Variants in CFAP77 observed in about 807,000 individuals in gnomAD.
The protein encoded by CFAP77 is cilia- and flagella-associated protein 77.
A neutral mutation model predicts 31.1 loss-of-function variants in CFAP77; 25 were observed. The ratio of observed to expected loss-of-function variants is 0.80; its 90% CI spans 0.59 to 1.12. CFAP77 has a LOEUF of 1.12. Among genes scored for constraint, CFAP77 ranks in the 50% most tolerant of loss-of-function variants. The pLI is 0.00. For missense variants in CFAP77, 377 were observed against 397.3 expected (o/e 0.95, Z 0.44); for synonymous variants, 151 against 159.9 (o/e 0.94, Z 0.42).
At chr9:132,520,701 C>T (rs187117387) in intron 3 of CFAP77, among the ~76,000 whole-genome samples, 3 of 152,340 alleles carry the variant, frequency 2.0e-5, no homozygotes, top group Admixed American at 6.5e-5. Flanking sequence ...TCAGTCAGTG[C>T]CTTCCCCTGC....
intron 1 of CFAP77, among the ~76,000 whole-genome samples, chr9:132,458,341 GCGGGGGA>G (rs1316618376): frequency 7.3e-6 from 1 of 136,186 alleles, no homozygotes; most frequent in African/African-American, 2.9e-5. Flanking sequence ...TGTCTCCCTG[GCGGGGGA>G]GGGGGGGGGG....
chr9:132,569,852 T>C (rs953453679), intron 5 of CFAP77, among the ~76,000 whole-genome samples: 1 of 151,530 alleles, frequency 6.6e-6, no homozygotes, highest in Admixed American at 6.6e-5. Flanking sequence ...TCTCCTGCCT[T>C]AGCCCTCCCT....
intron 1 of CFAP77, among the ~76,000 whole-genome samples, chr9:132,414,465 G>A (rs1850062433): frequency 6.6e-6 from 1 of 151,538 alleles, no homozygotes; most frequent in Non-Finnish European, 1.5e-5. Context: ...AGCACCTGCT[G>A]TAAGGAAAGC....
rs59722731 is a variant in CFAP77, at chr9:132,481,959, TGG to T, written c.196-16723_196-16722del. Reference sequence around the variant, plus strand: ...TCAGGAAGGAACAAGGGTTTATGGTTGGGGGGGGGGGGGGCGGCGGAACACTG... The same window carrying T: ...TCAGGAAGGAACAAGGGTTTATGGTTGGGGGGGGGGGGCGGCGGAACACTG... On this transcript the variant is annotated intron_variant, in intron 1 of 5. Coordinates refer to ENST00000393216, the MANE Select transcript of CFAP77 (RefSeq NM_001282957.2). The surrounding 1 kb of genome is among the most constrained non-coding windows in gnomAD (Gnocchi z 5.0). Among the ~76,000 whole-genome samples the T allele has an allele frequency of 0.18, 20,698 of 115,540 alleles. 1,910 individuals are homozygous for T. The highest frequency in any genetic ancestry group is 0.25 in the Middle Eastern group (57 of 230). The allele number at this position is 115,540 out of a possible 152,430, so 75.8% of individuals were successfully genotyped here. A position where few individuals can be genotyped will look rare whatever the true frequency, so the allele number is the denominator to read the frequency against.
intron 3 of CFAP77, among the ~76,000 whole-genome samples, chr9:132,515,648 AT>A (rs1564236562): frequency 6.6e-6 from 1 of 151,930 alleles, no homozygotes; most frequent in Non-Finnish European, 1.5e-5. Flanking sequence ...GAAAGGAGGA[AT>A]TCCCTCTTCT....
intron 5 of CFAP77, among the ~76,000 whole-genome samples, chr9:132,569,026 A>G (rs76851051): frequency 0.025 from 3,756 of 152,236 alleles, 153 homozygotes; most frequent in African/African-American, 0.085. Flanking sequence ...GATTGTAGTG[A>G]TGGTTTCAGG....
intron 1 of CFAP77, among the ~76,000 whole-genome samples, chr9:132,464,389 G>A (rs1851116042): frequency 6.6e-6 from 1 of 152,036 alleles, no homozygotes; most frequent in Non-Finnish European, 1.5e-5. Context: ...AGGCAGAACT[G>A]TGCTGTCTTC....
intron 1 of CFAP77, among the ~76,000 whole-genome samples, chr9:132,432,446 G>A (rs576896569): frequency 1.3e-5 from 2 of 152,090 alleles, no homozygotes; most frequent in Non-Finnish European, 2.9e-5. Flanking sequence ...TTTGGACTTG[G>A]ACAGGTCTGC....
chr9:132,419,863 G>A (rs982758524), intron 1 of CFAP77, among the ~76,000 whole-genome samples: 1 of 152,118 alleles, frequency 6.6e-6, no homozygotes, highest in African/African-American at 2.4e-5. Context: ...AAACTCATAA[G>A]TTATTAAAAG....
chr9:132,465,602 T>G (rs2131730321), intron 1 of CFAP77, among the ~76,000 whole-genome samples: 1 of 152,292 alleles, frequency 6.6e-6, no homozygotes, highest in African/African-American at 2.4e-5. Flanking sequence ...CACCCTGGTG[T>G]TCACTTGGGG....
At chr9:132,450,829 C>T (rs936467199) in intron 1 of CFAP77, among the ~76,000 whole-genome samples, 1 of 152,118 alleles carries the variant, frequency 6.6e-6, no homozygotes, top group Non-Finnish European at 1.5e-5. Flanking sequence ...GCTCAGAGAC[C>T]CAGGAGGAGG....
intron 5 of CFAP77, among the ~76,000 whole-genome samples, chr9:132,547,397 G>A (rs751940987): frequency 1.3e-5 from 2 of 152,204 alleles, no homozygotes; most frequent in Admixed American, 1.3e-4. Context: ...TCAGCAGAAC[G>A]CCTGGCCCAT....
At chr9:132,510,129 C>T (rs1852008397) in intron 3 of CFAP77, among the ~76,000 whole-genome samples, 1 of 152,190 alleles carries the variant, frequency 6.6e-6, no homozygotes, top group South Asian at 2.1e-4. Flanking sequence ...GCCGCCACTC[C>T]CCCAGGGCCT....
chr9:132,526,602 GCTAGCAAGA>G (rs1852369604), intron 3 of CFAP77, among the ~76,000 whole-genome samples: 1 of 131,544 alleles, frequency 7.6e-6, no homozygotes, highest in African/African-American at 2.6e-5. Context: ...TTGATAGACA[GCTAGCAAGA>G]CTAATAAAGA....
chr9:132,497,515 G>T lies in CFAP77; in HGVS notation c.196-1180G>T, dbSNP rs117254313. Among the ~76,000 whole-genome samples the T allele has an allele frequency of 5.4e-4, 82 of 152,350 alleles. 1 individual carries two copies. The East Asian group carries it at 0.016, about 29-fold the overall frequency. Reference sequence around the variant, plus strand: ...GCTGCACCCACCCTTCTCAGTAATGGCCCCGGGGCCTGCTGGCACCAGGGA... The same window carrying T: ...GCTGCACCCACCCTTCTCAGTAATGTCCCCGGGGCCTGCTGGCACCAGGGA... On this transcript the variant is annotated intron_variant, in intron 1 of 5. Transcript: ENST00000393216. This position sits in a 1 kb window ranked among gnomAD's most constrained non-coding sequence, Gnocchi z 4.9.
At chr9:132,430,444 C>A (rs932046356) in intron 1 of CFAP77, among the ~76,000 whole-genome samples, 1 of 152,116 alleles carries the variant, frequency 6.6e-6, no homozygotes, top group Non-Finnish European at 1.5e-5. Context: ...CATTTATCCC[C>A]TACAAAAAGA....
At chr9:132,494,434 C>T (rs923080163) in intron 1 of CFAP77, among the ~76,000 whole-genome samples, 1 of 152,170 alleles carries the variant, frequency 6.6e-6, no homozygotes, top group Non-Finnish European at 1.5e-5. Context: ...GACTGAGGAC[C>T]ACTACTGTAG....
chr9:132,415,328 T>C (rs1316675694), intron 1 of CFAP77, among the ~76,000 whole-genome samples: 1 of 152,062 alleles, frequency 6.6e-6, no homozygotes, highest in African/African-American at 2.4e-5. Context: ...GGTGCCCAGG[T>C]ACATCCTTCA....
intron 1 of CFAP77, among the ~76,000 whole-genome samples, chr9:132,417,931 CTT>C (rs574866349): frequency 1.2e-3 from 186 of 152,372 alleles, no homozygotes; most frequent in African/African-American, 3.9e-3. Context: ...CACCTCATCT[CTT>C]GTTTCCTGTG....
Sources: gnomAD v4.1 joint callset for allele counts (sites outside exome capture counted in the v4.1 genomes callset) on GRCh38, gnomAD v4.1.1 for gene constraint, Gnocchi (gnomAD v3.1) non-coding constraint, MANE v1.5 for transcripts, NCBI Gene and HGNC (gene_info 2026-07-23, HGNC 2026-07-21) for gene names.